MINDY2: variants seen among roughly 807,000 people sequenced by gnomAD.
MINDY2 encodes MINDY lysine 48 deubiquitinase 2.
MINDY2 carries 52 observed loss-of-function variants against 68.2 expected under a neutral mutation model. The ratio of observed to expected loss-of-function variants is 0.76; its 90% CI spans 0.61 to 0.96. The LOEUF is 0.96. Ranked by LOEUF, MINDY2 falls within the 40% of genes least tolerant of loss-of-function variation. MINDY2 has a pLI of 0.00. For missense variants in MINDY2, 881 were observed against 773.4 expected (o/e 1.14, Z -1.65); for synonymous variants, 372 against 303.0 (o/e 1.23, Z -2.36).
At chr15:58,784,668 G>A (rs1444772152) in intron 1 of MINDY2, among the ~76,000 whole-genome samples, 12 of 141,482 alleles carry the variant, frequency 8.5e-5, no homozygotes, top group African/African-American at 3.2e-4. Context: ...TGCCCAGGCT[G>A]GAGTGCAGTG....
rs1453854743 is a variant in MINDY2, at chr15:58,856,377, G to A, written c.*1767G>A. ...GACCAGTTATAGGATGAATCTGTAT[G>A]TAAAAATAGAGTCTTATTTATGGAA... On this transcript the variant is annotated 3_prime_UTR_variant, in exon 9 of 9. Transcript: ENST00000559228. 6.6e-6 allele frequency: 1 copy of A among 152,586 alleles called. No homozygotes were observed. Among genetic ancestry groups the A allele is most frequent in the Non-Finnish European group, 1.5e-5 (1 of 68,034 alleles). 9.5% of individuals were successfully genotyped at this position (152,586 alleles called of 1,614,324 possible). A position where few individuals can be genotyped will look rare whatever the true frequency, so the allele number is the denominator to read the frequency against.
intron 2 of MINDY2, 32 bp from the exon 3 acceptor site, chr15:58,802,281 G>A (rs774250683): frequency 7.6e-6 from 11 of 1,448,542 alleles, no homozygotes; most frequent in East Asian, 4.7e-5. Context: ...TTTTTAAAAG[G>A]CAATTTTACA....
intron 2 of MINDY2, among the ~76,000 whole-genome samples, chr15:58,791,570 T>A (rs1469226075): frequency 6.7e-6 from 1 of 148,658 alleles, no homozygotes; most frequent in Non-Finnish European, 1.5e-5. Flanking sequence ...TGAGCCAAGA[T>A]CACAAGACTG....
chr15:58,804,112 A>T (rs867066019), intron 3 of MINDY2, among the ~76,000 whole-genome samples: 10 of 149,242 alleles, frequency 6.7e-5, no homozygotes, highest in African/African-American at 2.5e-4. Flanking sequence ...CGGGGCGACA[A>T]AAAAAAAAGG....
intron 2 of MINDY2, among the ~76,000 whole-genome samples, chr15:58,793,253 C>G (rs1399049622): frequency 1.3e-5 from 2 of 152,082 alleles, no homozygotes; most frequent in Non-Finnish European, 2.9e-5. Flanking sequence ...GAGTTCAAGA[C>G]CAGCCTGGGC....
intron 6 of MINDY2, among the ~76,000 whole-genome samples, chr15:58,836,121 A>G (rs888292740): frequency 1.1e-4 from 17 of 152,158 alleles, no homozygotes; most frequent in Non-Finnish European, 2.2e-4. Flanking sequence ...TGTGTTAGCC[A>G]GGATGGTCTC....
intron 2 of MINDY2, among the ~76,000 whole-genome samples, chr15:58,798,849 C>T (rs74021006): frequency 0.015 from 2,311 of 152,136 alleles, 51 homozygotes; most frequent in African/African-American, 0.05. Flanking sequence ...ACTCTAACCA[C>T]GAAAATGTCA....
intron 5 of MINDY2, among the ~76,000 whole-genome samples, chr15:58,825,032 T>G (rs1422847113): frequency 6.6e-6 from 1 of 152,188 alleles, no homozygotes; most frequent in East Asian, 1.9e-4. Flanking sequence ...ATTTTCTGTT[T>G]AGCCTGCAAT....
At chr15:58,773,790 A>G (rs1409872816) in intron 1 of MINDY2, among the ~76,000 whole-genome samples, 3 of 152,122 alleles carry the variant, frequency 2.0e-5, no homozygotes, top group Non-Finnish European at 4.4e-5. Flanking sequence ...TGGAATTCCC[A>G]GGGGAGAGAA....
intron 1 of MINDY2, among the ~76,000 whole-genome samples, chr15:58,787,641 G>A (rs1447706655): frequency 2.0e-5 from 3 of 151,594 alleles, no homozygotes; most frequent in Non-Finnish European, 4.4e-5. Context: ...GAAGGCTGAG[G>A]CAGGAGAATG....
At chr15:58,773,301 T>G (rs1486853624) in intron 1 of MINDY2, among the ~76,000 whole-genome samples, 2 of 151,990 alleles carry the variant, frequency 1.3e-5, no homozygotes, top group African/African-American at 4.8e-5. Flanking sequence ...AAAAGAAAAA[T>G]AACCTGGATT....
At chr15:58,820,535 T>G (rs1269321293) in intron 4 of MINDY2, among the ~76,000 whole-genome samples, 1 of 152,160 alleles carries the variant, frequency 6.6e-6, no homozygotes, top group Non-Finnish European at 1.5e-5. Flanking sequence ...GATTGTTTAC[T>G]CAACCAATCA....
chr15:58,840,244 G>A (rs1415775821), intron 6 of MINDY2, among the ~76,000 whole-genome samples: 2 of 152,164 alleles, frequency 1.3e-5, no homozygotes, highest in Admixed American at 6.5e-5. Context: ...ACTTCCGAAC[G>A]AATATAGTAC....
chr15:58,853,819 TAAAAAAAAAA>T (rs10563818), intron 8 of MINDY2, among the ~76,000 whole-genome samples: 2,773 of 102,268 alleles, frequency 0.027, 72 homozygotes, highest in African/African-American at 0.086. Flanking sequence ...TCCATCTCAA[TAAAAAAAAAA>T]AAAAAAAAAA....
chr15:58,834,318 G>A (rs1260288207), intron 6 of MINDY2, among the ~76,000 whole-genome samples: 1 of 152,040 alleles, frequency 6.6e-6, no homozygotes, highest in Non-Finnish European at 1.5e-5. Context: ...CTTAATCCCT[G>A]TTTGGAAAGG....
At chr15:58,791,646 GTGTGTGTGTGTGTGTA>G (rs1344329880) in intron 2 of MINDY2, among the ~76,000 whole-genome samples, 21 of 150,106 alleles carry the variant, frequency 1.4e-4, no homozygotes, top group African/African-American at 5.0e-4. Flanking sequence ...GTGTGTGTGT[GTGTGTGTGTGTGTGTA>G]TGTGTGTGTG....
chr15:58,798,494 C>T lies in MINDY2; in HGVS notation c.899-3819C>T, dbSNP rs1287253405. ...TTTTGAGACAGAGTTTCACTCTTGTCACCCAGCCTATAGTGCAATGGCACA... is the reference window on the plus strand; with the variant it reads ...TTTTGAGACAGAGTTTCACTCTTGTTACCCAGCCTATAGTGCAATGGCACA... On this transcript the variant is annotated intron_variant, in intron 2 of 8. Coordinates refer to ENST00000559228, the MANE Select transcript of MINDY2 (RefSeq NM_001040450.3). 2.0e-5 allele frequency among the ~76,000 whole-genome samples: 3 copies of T among 147,726 alleles called. No homozygotes were observed. The Admixed American group carries it at 2.0e-4, about 10-fold the overall frequency.
At position 58,859,581 on chromosome 15, in the gene MINDY2, G is replaced by A. The variant is rs2033158899; in HGVS notation, c.*4971G>A. ...TGTTGAGAAAACATGAAGAATTGAGGTTACTCTTCTCAGGTGACACTTTAA... is the reference window on the plus strand; with the variant it reads ...TGTTGAGAAAACATGAAGAATTGAGATTACTCTTCTCAGGTGACACTTTAA... On this transcript the variant is annotated 3_prime_UTR_variant, in exon 9 of 9. Coordinates refer to ENST00000559228, the MANE Select transcript of MINDY2 (RefSeq NM_001040450.3). The A allele has an allele frequency of 6.6e-6, 1 of 152,120 alleles. No homozygotes were observed. The highest frequency in any genetic ancestry group is 1.5e-5 in the Non-Finnish European group (1 of 68,028). 9.4% of individuals were successfully genotyped at this position (152,120 alleles called of 1,614,324 possible).
chr15:58,844,191 A>G (rs963278109), intron 6 of MINDY2, among the ~76,000 whole-genome samples: 1 of 152,206 alleles, frequency 6.6e-6, no homozygotes, highest in Non-Finnish European at 1.5e-5. Flanking sequence ...CTAAACTAGT[A>G]CTATAGTCAT....
Sources: gnomAD v4.1 joint callset for allele counts (sites outside exome capture counted in the v4.1 genomes callset) on GRCh38, gnomAD v4.1.1 for gene constraint, MANE v1.5 for transcripts, NCBI Gene and HGNC (gene_info 2026-07-23, HGNC 2026-07-21) for gene names.